The following KCNQ3 variants were observed in gnomAD, a reference collection of about 807,000 sequenced individuals.
The protein encoded by KCNQ3 is potassium voltage-gated channel subfamily Q member 3.
KCNQ3 carries 30 observed loss-of-function variants against 92.5 expected under a neutral mutation model. The observed-to-expected ratio is 0.32, with a 90% CI of 0.24 to 0.44. The LOEUF (loss-of-function observed/expected upper bound fraction) is 0.44. Ranked by LOEUF, KCNQ3 falls within the 20% of genes least tolerant of loss-of-function variation. The probability of loss-of-function intolerance (pLI) is 1.00; values close to 1 mark genes in which losing one functional copy is unlikely to be tolerated. For synonymous variants in KCNQ3, 450 were observed against 468.8 expected (o/e 0.96, Z 0.52); for missense variants, 913 against 1,140.3 (o/e 0.80, Z 2.87).
At chr8:132,422,018 T>C (rs1820978861) in intron 1 of KCNQ3, among the ~76,000 whole-genome samples, 2 of 152,150 alleles carry the variant, frequency 1.3e-5, no homozygotes, top group African/African-American at 2.4e-5. Flanking sequence ...AGAAAGGTTA[T>C]ACCCTCCACT....
chr8:132,143,707 G>A (rs1825368323), intron 9 of KCNQ3, among the ~76,000 whole-genome samples: 1 of 152,202 alleles, frequency 6.6e-6, no homozygotes, highest in Non-Finnish European at 1.5e-5. Flanking sequence ...CTCAATAGAT[G>A]CTGGCTGTCA....
At position 132,124,370 on chromosome 8, in the gene KCNQ3, A is replaced by T. The variant is rs948863102; in HGVS notation, c.*4892T>A. On this transcript the variant is annotated 3_prime_UTR_variant, in exon 15 of 15. Transcript: ENST00000388996. ...ACTGTAAAAAAATAACATAAATAAC[A>T]GTCCCTAGTATGCATCAGTCATTGT... The T allele has an allele frequency of 1.3e-5, 2 of 152,254 alleles. No homozygotes were observed. The highest frequency in any genetic ancestry group is 2.9e-5 in the Non-Finnish European group (2 of 68,046). 9.4% of individuals were successfully genotyped at this position (152,254 alleles called of 1,614,324 possible). A position where few individuals can be genotyped will look rare whatever the true frequency, so the allele number is the denominator to read the frequency against.
chr8:132,377,894 T>C (rs1819652691), intron 1 of KCNQ3, among the ~76,000 whole-genome samples: 1 of 152,186 alleles, frequency 6.6e-6, no homozygotes, highest in Admixed American at 6.5e-5. Context: ...CAAGAAACAC[T>C]GGCATTGTTA....
At chr8:132,185,567 A>G (rs11987318) in intron 2 of KCNQ3, among the ~76,000 whole-genome samples, 10,936 of 152,326 alleles carry the variant, frequency 0.072, 562 homozygotes, top group African/African-American at 0.13. Context: ...GACTTGCCCA[A>G]GAATTCTAAT....
At chr8:132,360,398 C>T (rs911561293) in intron 1 of KCNQ3, among the ~76,000 whole-genome samples, 6 of 152,196 alleles carry the variant, frequency 3.9e-5, no homozygotes, top group Non-Finnish European at 8.8e-5. Context: ...TTGTTGATGA[C>T]CCATCTCCTC....
At chr8:132,154,298 C>CCA (rs1312436868) in intron 9 of KCNQ3, among the ~76,000 whole-genome samples, 1 of 145,110 alleles carries the variant, frequency 6.9e-6, no homozygotes, top group Non-Finnish European at 1.5e-5. Context: ...GCTGTCCTTA[C>CCA]CACACACTCT....
intron 1 of KCNQ3, among the ~76,000 whole-genome samples, chr8:132,471,128 C>T (rs1822290365): frequency 6.6e-6 from 1 of 152,138 alleles, no homozygotes; most frequent in African/African-American, 2.4e-5. Flanking sequence ...ATGTGGTCAG[C>T]AGAGTCACAG....
At position 132,445,396 on chromosome 8, in the gene KCNQ3, G is replaced by C. The variant is rs1232508130; in HGVS notation, c.386+34751C>G. 2.0e-5 allele frequency among the ~76,000 whole-genome samples: 3 copies of C among 152,136 alleles called. No homozygotes were observed. The East Asian group carries it at 5.8e-4, about 29-fold the overall frequency. On this transcript the variant is annotated intron_variant, in intron 1 of 14. Coordinates refer to ENST00000388996, the MANE Select transcript of KCNQ3 (RefSeq NM_004519.4). ...GTGGCTTTCCCGCCTCTCTCCTCCA[G>C]ACTCTGCGTTCACTGTGGGCAGGGA...
intron 1 of KCNQ3, among the ~76,000 whole-genome samples, chr8:132,280,679 A>G (rs1332574444): frequency 6.6e-6 from 1 of 152,186 alleles, no homozygotes; most frequent in Non-Finnish European, 1.5e-5. Context: ...TTAAGCTGAG[A>G]GATGAGGGAC....
chr8:132,156,965 T>G (rs1208993549), intron 9 of KCNQ3, among the ~76,000 whole-genome samples: 2 of 152,112 alleles, frequency 1.3e-5, no homozygotes, highest in African/African-American at 4.8e-5. Flanking sequence ...AGCCCAAGGA[T>G]CAGCATGAAC....
At chr8:132,327,981 CTA>C (rs1818109497) in intron 1 of KCNQ3, among the ~76,000 whole-genome samples, 1 of 152,246 alleles carries the variant, frequency 6.6e-6, no homozygotes, top group African/African-American at 2.4e-5. Context: ...TCTCCAGACT[CTA>C]TCCCACAACC....
intron 1 of KCNQ3, among the ~76,000 whole-genome samples, chr8:132,474,761 C>A (rs1822370936): frequency 1.3e-5 from 2 of 152,056 alleles, no homozygotes; most frequent in Non-Finnish European, 2.9e-5. Context: ...TAGCTCTCAG[C>A]TCAACAGGGC....
At chr8:132,185,673 G>A (rs1022057734) in intron 2 of KCNQ3, among the ~76,000 whole-genome samples, 3 of 152,210 alleles carry the variant, frequency 2.0e-5, no homozygotes, top group African/African-American at 7.2e-5. Context: ...GTGTATAAAT[G>A]GAATTCTGTA....
intron 1 of KCNQ3, among the ~76,000 whole-genome samples, chr8:132,248,032 C>T (rs896955240): frequency 5.3e-5 from 8 of 152,048 alleles, no homozygotes; most frequent in African/African-American, 1.7e-4. Flanking sequence ...CCAAAGTTTA[C>T]GCTGCCAGGA....
Position 132,137,733 on chromosome 8 carries a change from G to A in KCNQ3, c.1700+152C>T, listed in dbSNP as rs921185995. 3.1e-6 allele frequency: 3 copies of A among 958,024 alleles called. No individual in the cohort carries two copies. The African/African-American group carries it at 4.8e-5, about 15-fold the overall frequency. 59.3% of individuals were successfully genotyped at this position (958,024 alleles called of 1,614,324 possible). ...CACAGTCTGTCCGATCTGGTGCTTT[G>A]TTGGCCTAGACATCCACAAGGCTTC... On this transcript the variant is annotated intron_variant, in intron 12 of 14. Coordinates refer to ENST00000388996, the MANE Select transcript of KCNQ3 (RefSeq NM_004519.4).
At chr8:132,396,513 A>G (rs1820197913) in intron 1 of KCNQ3, among the ~76,000 whole-genome samples, 1 of 152,028 alleles carries the variant, frequency 6.6e-6, no homozygotes, top group Non-Finnish European at 1.5e-5. Context: ...TTTTACTTTC[A>G]AATTTGGTCT....
chr8:132,138,133 C>T, intron 11 of KCNQ3, 117 bp from the exon 12 acceptor site: 1 of 1,196,434 alleles, frequency 8.4e-7, no homozygotes, highest in Non-Finnish European at 1.2e-6. Context: ...AAAGAGCTTG[C>T]TGGAAGAACT....
intron 14 of KCNQ3, 81 bp from the exon 15 acceptor site, chr8:132,130,077 T>A: frequency 7.4e-7 from 1 of 1,359,062 alleles, no homozygotes; most frequent in Non-Finnish European, 9.9e-7. Context: ...AAATATTCTT[T>A]TTTTTTGTTT....
At chr8:132,424,437 A>G (rs1269669593) in intron 1 of KCNQ3, among the ~76,000 whole-genome samples, 8 of 152,136 alleles carry the variant, frequency 5.3e-5, no homozygotes, top group Admixed American at 5.2e-4. Flanking sequence ...TCGACAGATG[A>G]GGAAACTGAG....
Sources: allele counts gnomAD v4.1 joint callset (sites outside exome capture counted in the v4.1 genomes callset), GRCh38; gene constraint gnomAD v4.1.1; transcripts MANE v1.5; gene names NCBI Gene and HGNC (gene_info 2026-07-23, HGNC 2026-07-21).